RAB22A: variants seen among roughly 807,000 people sequenced by gnomAD.
RAB22A encodes the protein ras-related protein Rab-22A.
In RAB22A, 13 loss-of-function variants were observed where a neutral mutation model predicts 30.2. That is an observed-to-expected ratio of 0.43 (90% CI 0.28 to 0.68). RAB22A has a LOEUF of 0.68. RAB22A is among the 30% of genes least tolerant of loss of function. The pLI, the probability that RAB22A is intolerant of heterozygous loss-of-function variation, is 0.18. For missense variants in RAB22A, 177 were observed against 246.8 expected (o/e 0.72, Z 1.89); for synonymous variants, 89 against 87.2 (o/e 1.02, Z -0.11).
At chr20:58,356,077 A>G (rs1987125198) in intron 6 of RAB22A, among the ~76,000 whole-genome samples, 1 of 152,140 alleles carries the variant, frequency 6.6e-6, no homozygotes, top group Non-Finnish European at 1.5e-5. Flanking sequence ...TTGGGAAGCC[A>G]ACATGGGTGG....
chr20:58,318,579 A>G (rs971534561), intron 2 of RAB22A, among the ~76,000 whole-genome samples: 1 of 151,826 alleles, frequency 6.6e-6, no homozygotes, highest in Admixed American at 6.6e-5. Flanking sequence ...AATCGGAAAC[A>G]CTTCTGGTCA....
Position 58,321,078 on chromosome 20 carries a change from T to A in RAB22A, c.116+9956T>A, listed in dbSNP as rs1239285091. On this transcript the variant is annotated intron_variant, in intron 2 of 6. Transcript: ENST00000244040. ...GGTGGCACACGCCTGTAATCCCAGC[T>A]ATTCAGGAGGCCGAGGCAAGAGAAT... Among the ~76,000 whole-genome samples, 3 of 151,442 alleles carry A rather than the reference T, an allele frequency of 2.0e-5. No individual in the cohort carries two copies. In the East Asian group the frequency reaches 5.8e-4, roughly 29 times the overall value.
At chr20:58,322,029 C>G (rs1468210001) in intron 2 of RAB22A, among the ~76,000 whole-genome samples, 1 of 152,194 alleles carries the variant, frequency 6.6e-6, no homozygotes, top group African/African-American at 2.4e-5. Flanking sequence ...AACCCCTGGG[C>G]TCAAGCCATC....
intron 3 of RAB22A, 44 bp from the exon 4 acceptor site, chr20:58,353,229 A>T (rs1363219957): frequency 6.6e-7 from 1 of 1,523,130 alleles, no homozygotes; most frequent in East Asian, 2.3e-5. Flanking sequence ...AAACATATTT[A>T]ACCAGTTTTC....
rs193291569 is a variant in RAB22A, at chr20:58,364,129, A to C, written c.*4426A>C. 6.5e-6 allele frequency: 1 copy of C among 152,698 alleles called. No individual in the cohort carries two copies. Among genetic ancestry groups the C allele is most frequent in the African/African-American group, 2.4e-5 (1 of 41,550 alleles). 9.5% of individuals were successfully genotyped at this position (152,698 alleles called of 1,614,324 possible). A position where few individuals can be genotyped will look rare whatever the true frequency, so the allele number is the denominator to read the frequency against. On this transcript the variant is annotated 3_prime_UTR_variant, in exon 7 of 7. Transcript: ENST00000244040. ...GATATTACATTTTTCAGGAGCCTCC[A>C]TTTTTTCAGTCTAAGAGAATGATAA...
intron 2 of RAB22A, among the ~76,000 whole-genome samples, chr20:58,317,880 TAGA>T (rs1297395111): frequency 2.0e-5 from 3 of 152,040 alleles, no homozygotes; most frequent in Admixed American, 6.5e-5. Flanking sequence ...TTCTATTTTT[TAGA>T]GACAGGGTCT....
intron 2 of RAB22A, among the ~76,000 whole-genome samples, chr20:58,342,648 C>CAAAAAAA (rs10709063): frequency 1.6e-5 from 2 of 124,038 alleles, no homozygotes; most frequent in Non-Finnish European, 1.8e-5. Context: ...TACAATTTGG[C>CAAAAAAA]AAAAAAAAAA....
chr20:58,350,900 T>G (rs982858611), intron 3 of RAB22A, among the ~76,000 whole-genome samples: 1 of 152,196 alleles, frequency 6.6e-6, no homozygotes, highest in Non-Finnish European at 1.5e-5. Context: ...ATTATAACAC[T>G]GGATTGTATA....
Position 58,321,757 on chromosome 20 carries a change from T to C in RAB22A, c.116+10635T>C, listed in dbSNP as rs562060378. 1.2e-4 allele frequency among the ~76,000 whole-genome samples: 19 copies of C among 152,148 alleles called. No individual in the cohort carries two copies. In the East Asian group the frequency reaches 3.7e-3, roughly 29 times the overall value. ...TATATAACATACATGTCATGTATTA[T>C]ATATATTATATGTATGAATTATATA... On this transcript the variant is annotated intron_variant, in intron 2 of 6. Coordinates refer to ENST00000244040, the MANE Select transcript of RAB22A (RefSeq NM_020673.3).
chr20:58,339,642 A>C (rs1986821618), intron 2 of RAB22A, among the ~76,000 whole-genome samples: 1 of 152,230 alleles, frequency 6.6e-6, no homozygotes, highest in African/African-American at 2.4e-5. Context: ...ACAAAGGACA[A>C]AGGATAGTTG....
At chr20:58,323,305 T>TA (rs1432910194) in intron 2 of RAB22A, among the ~76,000 whole-genome samples, 1 of 152,180 alleles carries the variant, frequency 6.6e-6, no homozygotes, top group Admixed American at 6.5e-5. Context: ...ATACGACTTT[T>TA]AAAAATTGAA....
chr20:58,333,660 G>A (rs547018112), intron 2 of RAB22A, among the ~76,000 whole-genome samples: 34 of 152,260 alleles, frequency 2.2e-4, no homozygotes, highest in Middle Eastern at 3.4e-3. Flanking sequence ...TATAATATTT[G>A]GAAGTAGATT....
chr20:58,320,558 G>GTAAATCTGAAATTTA (rs1986434248), intron 2 of RAB22A, among the ~76,000 whole-genome samples: 1 of 152,072 alleles, frequency 6.6e-6, no homozygotes, highest in African/African-American at 2.4e-5. Flanking sequence ...TGTTATCTGA[G>GTAAATCTGAAATTTA]CATTTAGAAC....
rs928726470 is a variant in RAB22A at position 58,332,700 on chromosome 20, G to A, written c.117-11018G>A. On this transcript the variant is annotated intron_variant, in intron 2 of 6. Coordinates refer to ENST00000244040, the MANE Select transcript of RAB22A (RefSeq NM_020673.3). The stretch of plus-strand genomic sequence containing the variant: ...GAAAAGAATAATTCAAGAGATAAAA[G>A]GTAGGAGCTTTCCACAATTGATGGA... Among the ~76,000 whole-genome samples the A allele has an allele frequency of 1.2e-4, 19 of 152,176 alleles. 1 individual carries two copies. The South Asian group carries it at 2.9e-3, about 23-fold the overall frequency.
chr20:58,340,920 C>A (rs575583947), intron 2 of RAB22A, among the ~76,000 whole-genome samples: 1 of 152,112 alleles, frequency 6.6e-6, no homozygotes, highest in Non-Finnish European at 1.5e-5. Flanking sequence ...GTCAGTGGTC[C>A]GTGGGAAGGT....
chr20:58,356,133 A>G (rs1045681867), intron 6 of RAB22A, among the ~76,000 whole-genome samples: 3 of 152,100 alleles, frequency 2.0e-5, no homozygotes, highest in Non-Finnish European at 4.4e-5. Flanking sequence ...CAACATGGTG[A>G]AACCCCCATC....
intron 6 of RAB22A, among the ~76,000 whole-genome samples, chr20:58,358,965 G>C (rs1043380850): frequency 6.6e-6 from 1 of 151,912 alleles, no homozygotes; most frequent in African/African-American, 2.4e-5. Context: ...AGGATGTGTT[G>C]AGTGAAAGTA....
chr20:58,340,244 A>G (rs1986832230), intron 2 of RAB22A, among the ~76,000 whole-genome samples: 2 of 152,164 alleles, frequency 1.3e-5, no homozygotes, highest in South Asian at 4.1e-4. Context: ...TGAGAGAGGG[A>G]CACAGTGACT....
At chr20:58,323,113 C>T (rs1228733999) in intron 2 of RAB22A, among the ~76,000 whole-genome samples, 1 of 152,006 alleles carries the variant, frequency 6.6e-6, no homozygotes, top group African/African-American at 2.4e-5. Flanking sequence ...ATAGATTACT[C>T]TTTCATATAT....
Sources: gnomAD v4.1 joint callset for allele counts (sites outside exome capture counted in the v4.1 genomes callset) on GRCh38, gnomAD v4.1.1 for gene constraint, MANE v1.5 for transcripts, NCBI Gene and HGNC (gene_info 2026-07-23, HGNC 2026-07-21) for gene names.